The following NT5DC1 variants were observed in gnomAD, a reference collection of about 807,000 sequenced individuals.
NT5DC1 encodes 5'-nucleotidase domain-containing protein 1.
In NT5DC1, 42 loss-of-function variants were observed where a neutral mutation model predicts 59.4. That is an observed-to-expected ratio of 0.71 (90% CI 0.55 to 0.92). The LOEUF (loss-of-function observed/expected upper bound fraction) is 0.92, where lower values mean the gene tolerates loss of function less well. Among genes scored for constraint, NT5DC1 ranks in the 40% least tolerant of loss-of-function variants. The probability of loss-of-function intolerance (pLI) is 0.00; values close to 1 mark genes in which losing one functional copy is unlikely to be tolerated. For missense variants in NT5DC1, 501 were observed against 537.1 expected (o/e 0.93, Z 0.66); for synonymous variants, 172 against 188.1 (o/e 0.91, Z 0.70).
In NT5DC1 at chr6:116,247,823, T is replaced by G. The variant is rs1057487168; in HGVS notation, c.*3799T>G. On this transcript the variant is annotated 3_prime_UTR_variant, in exon 12 of 12. Transcript: ENST00000319550. ...ATCACTTAAAAAATAAATATTCTCT[T>G]AACAGAAATGTCAGCGGTTACTTAC... 1 of 74,010 alleles carries G rather than the reference T, an allele frequency of 1.4e-5. No individual in the cohort carries two copies. The highest frequency in any genetic ancestry group is 1.7e-4 in the Admixed American group (1 of 6,052). 4.6% of individuals were successfully genotyped at this position (74,010 alleles called of 1,614,324 possible). A position where few individuals can be genotyped will look rare whatever the true frequency, so the allele number is the denominator to read the frequency against.
At chr6:116,216,769 C>A (rs567231064) in intron 6 of NT5DC1, among the ~76,000 whole-genome samples, 1 of 151,954 alleles carries the variant, frequency 6.6e-6, no homozygotes, top group South Asian at 2.1e-4. Context: ...TCTCTTTTAT[C>A]CTCCAACAAA....
At chr6:116,229,388 G>T (rs1781966333) in intron 8 of NT5DC1, among the ~76,000 whole-genome samples, 1 of 152,174 alleles carries the variant, frequency 6.6e-6, no homozygotes, top group African/African-American at 2.4e-5. Context: ...GGGATGGAAG[G>T]CACAGCGAGC....
intron 6 of NT5DC1, among the ~76,000 whole-genome samples, chr6:116,218,935 G>T (rs1461278714): frequency 1.3e-5 from 2 of 152,102 alleles, no homozygotes; most frequent in Non-Finnish European, 2.9e-5. Flanking sequence ...ACAACCAGAG[G>T]TTGTCCAGAA....
chr6:116,132,958 G>C (rs910115745), intron 6 of NT5DC1, among the ~76,000 whole-genome samples: 1 of 152,134 alleles, frequency 6.6e-6, no homozygotes, highest in Admixed American at 6.5e-5. Flanking sequence ...TTAGTGGTTA[G>C]ATACCTGCTG....
intron 8 of NT5DC1, among the ~76,000 whole-genome samples, chr6:116,231,157 C>CA (rs397960077): frequency 2.1e-5 from 3 of 144,894 alleles, no homozygotes; most frequent in Non-Finnish European, 4.5e-5. Context: ...ATCCCCCCCC[C>CA]AAACCAAAGT....
intron 1 of NT5DC1, among the ~76,000 whole-genome samples, chr6:116,102,130 C>G (rs1778671093): frequency 6.6e-6 from 1 of 152,182 alleles, no homozygotes; most frequent in South Asian, 2.1e-4. Flanking sequence ...TGGTTACCAC[C>G]CAAACTATTT....
intron 3 of NT5DC1, among the ~76,000 whole-genome samples, chr6:116,108,955 CT>C (rs1778814492): frequency 6.6e-6 from 1 of 152,180 alleles, no homozygotes; most frequent in Non-Finnish European, 1.5e-5. Context: ...TCATCAACCT[CT>C]TCCTCCTCCC....
chr6:116,146,036 C>T (rs374240359), intron 6 of NT5DC1, among the ~76,000 whole-genome samples: 3 of 152,300 alleles, frequency 2.0e-5, no homozygotes, highest in East Asian at 1.9e-4. Context: ...ATGTCCTCCT[C>T]GTTTTCCTAT....
At chr6:116,202,601 C>G (rs1470915277) in intron 6 of NT5DC1, among the ~76,000 whole-genome samples, 10 of 151,816 alleles carry the variant, frequency 6.6e-5, no homozygotes, top group Admixed American at 6.6e-4. Context: ...TTCAGTGACA[C>G]TAAGTTTAGA....
chr6:116,106,274 G>A lies in NT5DC1; in HGVS notation c.124G>A (p.Val42Ile), dbSNP rs562689401. Residue 42 changes from valine (V) to isoleucine (I), a missense_variant, in exon 2 of 12, where the codon GTT (valine) becomes ATT (isoleucine). Physicochemically the swap from Val to Ile is conservative, Grantham distance 29. Coordinates refer to ENST00000319550, the MANE Select transcript of NT5DC1 (RefSeq NM_152729.3). ...TTATAATAGCTTTGCCCAGTTCCTA[G>A]TTAAGGAGAAAGGGTACGATAAGGA... ...LIYNSFAQFLVKEKGYDKELL... is the reference protein window; with the variant it reads ...LIYNSFAQFLIKEKGYDKELL... 5.8e-5 allele frequency: 92 copies of A among 1,585,682 alleles called. No individual in the cohort carries two copies. In the Middle Eastern group the frequency reaches 1.1e-3, roughly 19 times the overall value.
chr6:116,176,540 G>A (rs549004784), intron 6 of NT5DC1, among the ~76,000 whole-genome samples: 22 of 152,260 alleles, frequency 1.4e-4, no homozygotes, highest in African/African-American at 4.3e-4. Context: ...TCTTAGAGCA[G>A]TAGAAATTCT....
intron 6 of NT5DC1, among the ~76,000 whole-genome samples, chr6:116,142,350 AAATT>A (rs1013005955): frequency 1.3e-5 from 2 of 152,110 alleles, no homozygotes; most frequent in Admixed American, 6.5e-5. Context: ...TTGTAAAAAA[AAATT>A]AATAACATAA....
Position 116,143,667 on chromosome 6 carries a change from T to C in NT5DC1, c.529+25722T>C, listed in dbSNP as rs146587673. 2.1e-3 allele frequency among the ~76,000 whole-genome samples: 325 copies of C among 152,334 alleles called. 2 individuals carry two copies. Among genetic ancestry groups the C allele is most frequent in the African/African-American group, 7.3e-3 (304 of 41,558 alleles). On this transcript the variant is annotated intron_variant, in intron 6 of 11. Coordinates refer to ENST00000319550, the MANE Select transcript of NT5DC1 (RefSeq NM_152729.3). ...TTTTTATTGCTGTTAATTTAATATT[T>C]TGTTGCATTACTTTTTTGTTTTGCA...
intron 8 of NT5DC1, among the ~76,000 whole-genome samples, chr6:116,231,919 T>C (rs1256299877): frequency 6.6e-6 from 1 of 152,218 alleles, no homozygotes; most frequent in African/African-American, 2.4e-5. Flanking sequence ...AAATTATTAG[T>C]ATTATATTAG....
intron 6 of NT5DC1, among the ~76,000 whole-genome samples, chr6:116,167,206 ATTTTTTTTT>A (rs61348980): frequency 1.1e-5 from 1 of 87,796 alleles, no homozygotes; most frequent in African/African-American, 4.9e-5. Context: ...CAAATAGAAG[ATTTTTTTTT>A]TTTTTTTTTT....
At chr6:116,225,511 A>G (rs1002706333) in intron 8 of NT5DC1, among the ~76,000 whole-genome samples, 2 of 152,196 alleles carry the variant, frequency 1.3e-5, no homozygotes, top group African/African-American at 4.8e-5. Context: ...GCCAGAGGAA[A>G]GAGGAAAGGG....
At chr6:116,181,766 A>T (rs1348791353) in intron 6 of NT5DC1, among the ~76,000 whole-genome samples, 1 of 151,744 alleles carries the variant, frequency 6.6e-6, no homozygotes, top group Non-Finnish European at 1.5e-5. Context: ...AGACCTAAAT[A>T]AATGGGAGCT....
intron 6 of NT5DC1, among the ~76,000 whole-genome samples, chr6:116,216,868 G>A (rs1207443813): frequency 2.6e-5 from 4 of 152,024 alleles, no homozygotes; most frequent in Admixed American, 6.6e-5. Flanking sequence ...ACAGTTCATC[G>A]CTAGGCATTT....
At chr6:116,231,354 A>T (rs1782017601) in intron 8 of NT5DC1, among the ~76,000 whole-genome samples, 1 of 152,204 alleles carries the variant, frequency 6.6e-6, no homozygotes, top group Non-Finnish European at 1.5e-5. Flanking sequence ...TGAGGAAGGG[A>T]TTTATAAAAG....
Sources: allele counts gnomAD v4.1 joint callset (sites outside exome capture counted in the v4.1 genomes callset), GRCh38; gene constraint gnomAD v4.1.1; transcripts MANE v1.5; gene names NCBI Gene and HGNC (gene_info 2026-07-23, HGNC 2026-07-21).